HNRNPH1: variants seen among roughly 807,000 people sequenced by gnomAD.
HNRNPH1 encodes the protein heterogeneous nuclear ribonucleoprotein H1.
HNRNPH1 carries 4 observed loss-of-function variants against 58.6 expected under a neutral mutation model. The ratio of observed to expected loss-of-function variants is 0.07; its 90% CI spans 0.03 to 0.16. HNRNPH1 has a LOEUF of 0.16. HNRNPH1 is among the 10% of genes least tolerant of loss of function. HNRNPH1 has a pLI of 1.00. For missense variants in HNRNPH1, 271 were observed against 564.2 expected (o/e 0.48, Z 5.26); for synonymous variants, 192 against 189.2 (o/e 1.01, Z -0.12).
chr5:179,620,219 A>G (rs1771694495), intron 3 of HNRNPH1, among the ~76,000 whole-genome samples: 1 of 152,250 alleles, frequency 6.6e-6, no homozygotes, highest in Admixed American at 6.5e-5. Context: ...GTATCACATC[A>G]TAAATATTAA....
chr5:179,618,096 CTAGA>C lies in HNRNPH1; in HGVS notation c.716-40_716-37del, dbSNP rs774786323. ...AAGTACAATCAATCAAATAAAACAC[CTAGA>C]CAAAGGAACAGACGACTTGCCGAAC... is the stretch of plus-strand genomic sequence containing the variant. On this transcript the variant is annotated intron_variant, in intron 5 of 12. Transcript: ENST00000356731. 3 of 1,613,598 alleles carry C rather than the reference CTAGA, an allele frequency of 1.9e-6. No homozygotes were observed. The South Asian group carries it at 3.3e-5, about 18-fold the overall frequency.
intron 8 of HNRNPH1, 124 bp downstream of exon 9, chr5:179,617,390 C>T: frequency 7.7e-6 from 9 of 1,168,588 alleles, no homozygotes; most frequent in African/African-American, 1.5e-5. Flanking sequence ...CCCCGCATCC[C>T]CCAAGAATTA....
At chr5:179,618,494 T>C (rs1335351608) in intron 4 of HNRNPH1, 171 bp from the exon 6 acceptor site, 1 of 463,682 alleles carries the variant, frequency 2.2e-6, no homozygotes, top group Non-Finnish European at 3.7e-6. Context: ...ATTCACTCAA[T>C]AAATAGTAAG....
In HNRNPH1 at chr5:179,614,588, C is replaced by A. The variant is rs143667244; in HGVS notation, c.*372G>T. Reference sequence around the variant, plus strand: ...AATACGCTTACTGCTTAAGTACATCCTATAACTAACTTGAGAAAAGCTGGA... The same window carrying A: ...AATACGCTTACTGCTTAAGTACATCATATAACTAACTTGAGAAAAGCTGGA... On this transcript the variant is annotated 3_prime_UTR_variant, in exon 13 of 13. Coordinates refer to ENST00000356731, the Ensembl canonical transcript of HNRNPH1. 2,007 of 314,036 alleles carry A rather than the reference C, an allele frequency of 6.4e-3. 21 individuals are homozygous for A. The highest frequency in any genetic ancestry group is 8.6e-3 in the Non-Finnish European group (1,433 of 166,248). The allele number at this position is 314,036 out of a possible 1,614,324, so 19.5% of individuals were successfully genotyped here. A position where few individuals can be genotyped will look rare whatever the true frequency, so the allele number is the denominator to read the frequency against.
exon 13 of HNRNPH1, chr5:179,614,954 G>C: frequency 6.5e-7 from 1 of 1,532,440 alleles, no homozygotes; most frequent in Non-Finnish European, 8.8e-7. Flanking sequence ...ACTGCTCCTT[G>C]GTTACCTGCA....
chr5:179,629,393 G>C (rs1476409928), upstream of HNRNPH1: 2 of 151,896 alleles, frequency 1.3e-5, no homozygotes, highest in Non-Finnish European at 2.9e-5. Flanking sequence ...CCCAGGCTCA[G>C]GTGATCCTCC....
chr5:179,615,242 A>T (rs1041032249), intron 12 of HNRNPH1: 1 of 427,292 alleles, frequency 2.3e-6, no homozygotes, highest in Non-Finnish European at 4.2e-6. Context: ...GTTTTTCAAA[A>T]ATTGCAAAAT....
At chr5:179,614,903 C>T (rs1329628318) in exon 13 of HNRNPH1, 7 of 1,550,198 alleles carry the variant, frequency 4.5e-6, no homozygotes, top group Non-Finnish European at 6.1e-6. Flanking sequence ...CCGTTCACGC[C>T]CATAGATGCA....
upstream of HNRNPH1, among the ~76,000 whole-genome samples, chr5:179,626,260 AC>A (rs1006000030): frequency 3.3e-5 from 5 of 150,928 alleles, no homozygotes; most frequent in Admixed American, 3.3e-4. Context: ...GTGCCACCAC[AC>A]CTGGCTACTT....
intron 8 of HNRNPH1, 73 bp from the exon 10 acceptor site, chr5:179,617,183 T>C: frequency 7.0e-7 from 1 of 1,438,080 alleles, no homozygotes; most frequent in Admixed American, 1.8e-5. Context: ...TTATAAAGTT[T>C]TTAAACAAGC....
exon 1 of HNRNPH1, chr5:179,623,848 C>T (rs1468456916): frequency 2.6e-5 from 4 of 152,454 alleles, no homozygotes; most frequent in Admixed American, 2.0e-4. Flanking sequence ...GGCTCAGCAC[C>T]CCCACCCATA....
upstream of HNRNPH1, among the ~76,000 whole-genome samples, chr5:179,625,290 G>A (rs1033212584): frequency 6.6e-6 from 1 of 152,116 alleles, no homozygotes; most frequent in African/African-American, 2.4e-5. Context: ...GAGATCAGGA[G>A]TTTCAGACCA....
At chr5:179,621,506 A>T in intron 1 of HNRNPH1, 109 bp from the exon 3 acceptor site, 3 of 899,574 alleles carry the variant, frequency 3.3e-6, no homozygotes, top group Non-Finnish European at 3.5e-6. Flanking sequence ...ATAACTTGTG[A>T]AGCCTATATA....
chr5:179,615,085 G>C lies in HNRNPH1; in HGVS notation c.*1-126C>G, dbSNP rs765110495. Reference sequence around the variant, plus strand: ...ATGGCTGCTGTCCAAGTGGCGAGACGCATGTTTGGGAAAGGGGAATCCCGA... The same window carrying C: ...ATGGCTGCTGTCCAAGTGGCGAGACCCATGTTTGGGAAAGGGGAATCCCGA... On this transcript the variant is annotated intron_variant, in intron 12 of 12. Transcript: ENST00000356731. 6.0e-4 allele frequency: 392 copies of C among 657,242 alleles called. 1 individual carries two copies. Among genetic ancestry groups the C allele is most frequent in the Non-Finnish European group, 7.6e-4 (279 of 367,386 alleles). 40.7% of individuals were successfully genotyped at this position (657,242 alleles called of 1,614,324 possible). A position where few individuals can be genotyped will look rare whatever the true frequency, so the allele number is the denominator to read the frequency against.
At chr5:179,628,842 G>A (rs1380095582), upstream of HNRNPH1, among the ~76,000 whole-genome samples, 1 of 152,068 alleles carries the variant, frequency 6.6e-6, no homozygotes, top group Non-Finnish European at 1.5e-5. Flanking sequence ...TTAACCGGGT[G>A]TGGTGGCATA....
intron 11 of HNRNPH1, 91 bp downstream of exon 12, chr5:179,616,035 A>T (rs1769401385): frequency 8.8e-7 from 1 of 1,130,414 alleles, no homozygotes; most frequent in Admixed American, 1.7e-5. Flanking sequence ...CTCTAAGTAC[A>T]GTAACAGGCT....
At chr5:179,619,543 TTAAA>T (rs1771272973) in intron 3 of HNRNPH1, 136 bp from the exon 5 acceptor site, 4 of 662,174 alleles carry the variant, frequency 6.0e-6, no homozygotes, top group Non-Finnish European at 1.0e-5. Context: ...CAAGTACTCT[TTAAA>T]TATGCATTGC....
chr5:179,621,830 G>A (rs1772512985), intron 1 of HNRNPH1: 2 of 412,978 alleles, frequency 4.8e-6, no homozygotes, highest in Admixed American at 6.2e-5. Flanking sequence ...CAAATTACAA[G>A]CCCAATACTC....
At chr5:179,614,846 T>A (rs1464332729) in exon 13 of HNRNPH1, 3 of 1,405,514 alleles carry the variant, frequency 2.1e-6, no homozygotes, top group African/African-American at 2.9e-5. Flanking sequence ...ATCAATTACA[T>A]TCCCCATCCA....
Sources: gnomAD v4.1 joint callset for allele counts (sites outside exome capture counted in the v4.1 genomes callset) on GRCh38, gnomAD v4.1.1 for gene constraint, MANE v1.5 for transcripts, NCBI Gene and HGNC (gene_info 2026-07-23, HGNC 2026-07-21) for gene names.